The following AKAP19 variants were observed in gnomAD, a reference collection of about 807,000 sequenced individuals.
The protein encoded by AKAP19 is A-kinase anchoring protein 19, also known as small A-kinase anchoring protein.
the AKAP19 span, among the ~76,000 whole-genome samples, chr2:189,971,716 G>A: frequency 1.3e-5 from 2 of 152,140 alleles, no homozygotes; most frequent in Non-Finnish European, 2.9e-5. Context: ...GTTTTGATTT[G>A]CATTTCTCTG....
At chr2:190,158,760 C>G in the AKAP19 span, among the ~76,000 whole-genome samples, 2 of 152,158 alleles carry the variant, frequency 1.3e-5, no homozygotes, top group African/African-American at 4.8e-5. Context: ...GCATAAGAGG[C>G]AGATCTAAAA....
the AKAP19 span, among the ~76,000 whole-genome samples, chr2:190,081,046 A>G: frequency 6.6e-6 from 1 of 152,238 alleles, no homozygotes; most frequent in East Asian, 1.9e-4. Context: ...ACTCCAAAAT[A>G]TACTTAAAAA....
chr2:189,933,038 A>T, the AKAP19 span, among the ~76,000 whole-genome samples: 1 of 152,208 alleles, frequency 6.6e-6, no homozygotes, highest in Non-Finnish European at 1.5e-5. Flanking sequence ...TTATGTCATC[A>T]CCAGCATCAC....
chr2:189,885,001 CTATT>C, the AKAP19 span, among the ~76,000 whole-genome samples: 1 of 152,164 alleles, frequency 6.6e-6, no homozygotes, highest in Admixed American at 6.5e-5. Flanking sequence ...TTATGGCTCT[CTATT>C]TGGGAAGTCA....
chr2:190,162,565 C>G, the AKAP19 span, among the ~76,000 whole-genome samples: 1 of 152,122 alleles, frequency 6.6e-6, no homozygotes, highest in Non-Finnish European at 1.5e-5. Context: ...ACATTTATGA[C>G]TATTGAGGTA....
At chr2:190,194,256 G>C in the AKAP19 span, among the ~76,000 whole-genome samples, 1 of 152,104 alleles carries the variant, frequency 6.6e-6, no homozygotes, top group Non-Finnish European at 1.5e-5. Flanking sequence ...ACTCAAGTTG[G>C]AGCATAATGT....
the AKAP19 span, among the ~76,000 whole-genome samples, chr2:190,092,532 G>T: frequency 6.6e-6 from 1 of 152,002 alleles, no homozygotes; most frequent in African/African-American, 2.4e-5. Flanking sequence ...GGGTTTGTCA[G>T]CCTCTTTCTT....
At chr2:190,175,058 G>A in the AKAP19 span, among the ~76,000 whole-genome samples, 1 of 149,442 alleles carries the variant, frequency 6.7e-6, no homozygotes, top group Non-Finnish European at 1.5e-5. Context: ...GTGGGGGTAG[G>A]GGTGGTAGAA....
At chr2:190,099,318 G>A in the AKAP19 span, among the ~76,000 whole-genome samples, 5 of 152,268 alleles carry the variant, frequency 3.3e-5, no homozygotes, top group East Asian at 1.9e-4. Flanking sequence ...GACCATCGTA[G>A]GGTTATTAAC....
chr2:190,003,242 GATA>G, the AKAP19 span, among the ~76,000 whole-genome samples: 7 of 151,904 alleles, frequency 4.6e-5, no homozygotes, highest in African/African-American at 1.5e-4. Context: ...AATATATGTA[GATA>G]ATGACAATTT....
the AKAP19 span, among the ~76,000 whole-genome samples, chr2:190,152,066 C>T: frequency 6.6e-6 from 1 of 151,216 alleles, no homozygotes; most frequent in Admixed American, 6.6e-5. Context: ...GCTCACTCCT[C>T]TAATTCCAGT....
At chr2:190,078,333 C>T in the AKAP19 span, among the ~76,000 whole-genome samples, 1 of 152,128 alleles carries the variant, frequency 6.6e-6, no homozygotes, top group African/African-American at 2.4e-5. Context: ...ATATTTTACC[C>T]TATGTTCTAA....
At chr2:190,012,648 T>C in the AKAP19 span, among the ~76,000 whole-genome samples, 1 of 152,222 alleles carries the variant, frequency 6.6e-6, no homozygotes, top group Admixed American at 6.5e-5. Context: ...AGTACAATAT[T>C]GAATAGAAAT....
chr2:190,056,874 C>T, the AKAP19 span: 1 of 220,954 alleles, frequency 4.5e-6, no homozygotes, highest in African/African-American at 2.3e-5. Context: ...TTTACCAATA[C>T]TGTATGTGGA....
chr2:190,038,901 T>TTTCTCCTTC, the AKAP19 span, among the ~76,000 whole-genome samples: 2 of 46,002 alleles, frequency 4.3e-5, no homozygotes, highest in Non-Finnish European at 9.1e-5. Context: ...TCTTTCTTTC[T>TTTCTCCTTC]TTCTTCTTCT....
At chr2:190,006,580 A>G in the AKAP19 span, among the ~76,000 whole-genome samples, 3 of 149,978 alleles carry the variant, frequency 2.0e-5, no homozygotes, top group Admixed American at 2.0e-4. Context: ...CAGAGCTTGC[A>G]GTGAGCCGAG....
At chr2:190,042,116 G>T in the AKAP19 span, among the ~76,000 whole-genome samples, 1 of 152,056 alleles carries the variant, frequency 6.6e-6, no homozygotes. Flanking sequence ...TTGTACATCT[G>T]GTAGAATTTG....
chr2:190,186,751 A>G, the AKAP19 span, among the ~76,000 whole-genome samples: 7 of 152,230 alleles, frequency 4.6e-5, no homozygotes, highest in Non-Finnish European at 8.8e-5. This position sits in a 1 kb window ranked among gnomAD's most constrained non-coding sequence, Gnocchi z 5.5. Context: ...GGAGCCCTAC[A>G]AGAAAGTATA....
At chr2:190,120,365 G>C in the AKAP19 span, among the ~76,000 whole-genome samples, 1 of 152,184 alleles carries the variant, frequency 6.6e-6, no homozygotes, top group Admixed American at 6.5e-5. Context: ...AAAAAGCTGG[G>C]GGGGGCCTGT....
Sources: gnomAD v4.1 joint callset for allele counts (sites outside exome capture counted in the v4.1 genomes callset) on GRCh38, gnomAD v4.1.1 for gene constraint, Gnocchi (gnomAD v3.1) non-coding constraint, MANE v1.5 for transcripts, NCBI Gene and HGNC (gene_info 2026-07-23, HGNC 2026-07-21) for gene names.